The following ATP1B1 variants were observed in gnomAD, a reference collection of about 807,000 sequenced individuals.
ATP1B1 encodes the protein sodium/potassium-transporting ATPase subunit beta-1.
ATP1B1 carries 3 observed loss-of-function variants against 39.6 expected under a neutral mutation model. That is an observed-to-expected ratio of 0.08 (90% CI 0.03 to 0.20). The LOEUF (loss-of-function observed/expected upper bound fraction) is 0.20, where lower values mean the gene tolerates loss of function less well. Among genes scored for constraint, ATP1B1 ranks in the 10% least tolerant of loss-of-function variants. The pLI is 1.00. For synonymous variants in ATP1B1, 139 were observed against 135.0 expected, an observed-to-expected ratio of 1.03 and a Z score of -0.20; for missense variants, 216 against 371.1, an observed-to-expected ratio of 0.58 and a Z score of 3.43.
In ATP1B1 at chr1:169,107,192, G is replaced by T. The variant is rs139156514; in HGVS notation, c.97+266G>T. Among the ~76,000 whole-genome samples the T allele has an allele frequency of 6.3e-3, 956 of 152,292 alleles. 8 individuals carry two copies. The highest frequency in any genetic ancestry group is 0.022 in the African/African-American group (903 of 41,566). The stretch of plus-strand genomic sequence containing the variant: ...CGTAGCGATCTTGGCTTGGTAATTT[G>T]CAGTCTTTCCTACCGTGCATCGGTT... On this transcript the variant is annotated intron_variant, in intron 1 of 5. Coordinates refer to ENST00000367815, the MANE Select transcript of ATP1B1 (RefSeq NM_001677.4).
chr1:169,129,934 C>G, intron 4 of ATP1B1, 76 bp from the exon 5 acceptor site: 1 of 1,425,756 alleles, frequency 7.0e-7, no homozygotes, highest in Non-Finnish European at 9.8e-7. Flanking sequence ...CTTGTTTGGA[C>G]TACGGAGTAG....
intron 3 of ATP1B1, among the ~76,000 whole-genome samples, chr1:169,125,306 C>T (rs1248624721): frequency 6.7e-6 from 1 of 149,942 alleles, no homozygotes; most frequent in Non-Finnish European, 1.5e-5. Context: ...AGAGCCAAGA[C>T]AGCAATTCCG....
At chr1:169,112,780 A>G (rs566169306) in intron 2 of ATP1B1, among the ~76,000 whole-genome samples, 2 of 152,370 alleles carry the variant, frequency 1.3e-5, no homozygotes, top group East Asian at 3.9e-4. Context: ...AAAATCACGT[A>G]AGTAAATAAC....
rs1191552364 is a variant in ATP1B1, at chr1:169,131,184, C to T, written c.649-108C>T. The T allele has an allele frequency of 6.6e-6, 9 of 1,353,982 alleles. No individual in the cohort carries two copies. The highest frequency in any genetic ancestry group is 9.2e-6 in the Non-Finnish European group (9 of 980,582). 83.9% of individuals were successfully genotyped at this position (1,353,982 alleles called of 1,614,324 possible). A position where few individuals can be genotyped will look rare whatever the true frequency, so the allele number is the denominator to read the frequency against. On this transcript the variant is annotated intron_variant, in intron 5 of 5. Coordinates refer to ENST00000367815, the MANE Select transcript of ATP1B1 (RefSeq NM_001677.4). The surrounding 1 kb of genome is among the most constrained non-coding windows in gnomAD (Gnocchi z 4.4). ...GGAATAGACTGAGTAGATGTTCTTT[C>T]CTCTCTCAGTAGTTTGCAAACTACT...
rs551571780 is a variant in ATP1B1, at chr1:169,115,595, C to G, written c.226+4097C>G. Among the ~76,000 whole-genome samples the G allele has an allele frequency of 6.6e-5, 10 of 152,106 alleles. No homozygotes were observed. In the South Asian group the frequency reaches 2.1e-3, roughly 32 times the overall value. On this transcript the variant is annotated intron_variant, in intron 2 of 5. Transcript: ENST00000367815. ...AACTCCTGACCTCTGGTGATCCACC[C>G]GCCTCAGCCTCCCAAAGTGCTGGGA...
At chr1:169,107,205 C>T (rs1657615130) in intron 1 of ATP1B1, among the ~76,000 whole-genome samples, 1 of 152,160 alleles carries the variant, frequency 6.6e-6, no homozygotes, top group Admixed American at 6.5e-5. Flanking sequence ...GTCTTTCCTA[C>T]CGTGCATCGG....
intron 2 of ATP1B1, among the ~76,000 whole-genome samples, chr1:169,122,251 T>A (rs1657993600): frequency 6.6e-6 from 1 of 152,192 alleles, no homozygotes; most frequent in African/African-American, 2.4e-5. Context: ...TCTCCCATTC[T>A]GAATTTTGTT....
chr1:169,127,818 A>AT (rs1658120455), intron 4 of ATP1B1, among the ~76,000 whole-genome samples: 3 of 151,784 alleles, frequency 2.0e-5, no homozygotes, highest in Admixed American at 1.3e-4. Context: ...TTAAAAAAAA[A>AT]ATTTTAACCC....
In ATP1B1 at chr1:169,111,352, T is replaced by C. The variant is rs749925713; in HGVS notation, c.98-18T>C. On this transcript the variant is annotated intron_variant, in intron 1 of 5. Coordinates refer to ENST00000367815, the MANE Select transcript of ATP1B1 (RefSeq NM_001677.4). ...CATATGACTGCATCACAGCTTTTTG[T>C]TTCTGTTCTTCTTGCAGTTAAGATC... 6.2e-7 allele frequency: 1 copy of C among 1,613,844 alleles called. No homozygotes were observed. Among genetic ancestry groups the C allele is most frequent in the Non-Finnish European group, 8.5e-7 (1 of 1,179,958 alleles).
chr1:169,130,025 T>A lies in ATP1B1; in HGVS notation c.583T>A (p.Ser195Thr), dbSNP rs371385406. ...GFKPKPPKNE[S>T]LETYPVMKYN... ...TTATTTTTAGCCTCCCAAGAATGAGTCCTTGGAGACTTACCCAGTGATGAA... is the reference window on the plus strand; with the variant it reads ...TTATTTTTAGCCTCCCAAGAATGAGACCTTGGAGACTTACCCAGTGATGAA... Residue 195 changes from serine (S) to threonine (T), a missense_variant, in exon 5 of 6, where the codon TCC becomes ACC. Coordinates refer to ENST00000367815, the MANE Select transcript of ATP1B1 (RefSeq NM_001677.4). 2.7e-5 allele frequency: 44 copies of A among 1,613,908 alleles called. No individual in the cohort carries two copies. In the South Asian group the frequency reaches 3.2e-4, roughly 12 times the overall value.
rs763502821 is a variant in ATP1B1, at chr1:169,132,371, ACTTTC to A, written c.*821_*825del. 2.2e-6 allele frequency: 1 copy of A among 459,780 alleles called. No individual in the cohort carries two copies. Among genetic ancestry groups the A allele is most frequent in the Non-Finnish European group, 3.9e-6 (1 of 254,672 alleles). 28.5% of individuals were successfully genotyped at this position (459,780 alleles called of 1,614,324 possible). A position where few individuals can be genotyped will look rare whatever the true frequency, so the allele number is the denominator to read the frequency against. Reference sequence around the variant, plus strand: ...TAATTTGCTTTATACATTTTCTTTTACTTTCCTTTTTTCCTTTCTGGAGGCATCAC... The same window carrying A: ...TAATTTGCTTTATACATTTTCTTTTACTTTTTTCCTTTCTGGAGGCATCAC... On this transcript the variant is annotated 3_prime_UTR_variant, in exon 6 of 6. Coordinates refer to ENST00000367815, the MANE Select transcript of ATP1B1 (RefSeq NM_001677.4).
At chr1:169,113,071 CTT>C (rs1052393547) in intron 2 of ATP1B1, among the ~76,000 whole-genome samples, 1 of 138,178 alleles carries the variant, frequency 7.2e-6, no homozygotes, top group African/African-American at 3.0e-5. Flanking sequence ...TTTTATAATT[CTT>C]TTTTTTTTTT....
At chr1:169,120,366 C>G (rs189583297) in intron 2 of ATP1B1, among the ~76,000 whole-genome samples, 1 of 152,232 alleles carries the variant, frequency 6.6e-6, no homozygotes, top group East Asian at 1.9e-4. Context: ...GTCATTAAGG[C>G]TTATGTTAGT....
At chr1:169,109,339 C>T (rs985936100) in intron 1 of ATP1B1, among the ~76,000 whole-genome samples, 5 of 152,132 alleles carry the variant, frequency 3.3e-5, no homozygotes, top group African/African-American at 9.7e-5. Context: ...CCTCACAGTG[C>T]CACCCCAGAT....
chr1:169,116,905 A>C (rs553332670), intron 2 of ATP1B1, among the ~76,000 whole-genome samples: 1 of 152,146 alleles, frequency 6.6e-6, no homozygotes, highest in Non-Finnish European at 1.5e-5. Context: ...GGTTCGAGTC[A>C]TTATCATTCT....
chr1:169,117,939 C>G (rs555933779), intron 2 of ATP1B1, among the ~76,000 whole-genome samples: 1 of 152,170 alleles, frequency 6.6e-6, no homozygotes, highest in East Asian at 1.9e-4. Flanking sequence ...TGTTTTATAT[C>G]TAGATAAGTC....
At chr1:169,125,147 A>G (rs2101789620) in intron 3 of ATP1B1, 108 bp downstream of exon 3, 3 of 1,386,548 alleles carry the variant, frequency 2.2e-6, no homozygotes, top group East Asian at 4.8e-5. Context: ...TGAAATAATG[A>G]AAGATTGAAC....
chr1:169,128,958 T>TC (rs1658145408), intron 4 of ATP1B1, among the ~76,000 whole-genome samples: 2 of 152,176 alleles, frequency 1.3e-5, no homozygotes, highest in East Asian at 3.9e-4. Context: ...CACCCAAATC[T>TC]CCAACTATTT....
intron 2 of ATP1B1, among the ~76,000 whole-genome samples, chr1:169,120,986 TG>T (rs1657970621): frequency 6.7e-6 from 1 of 148,706 alleles, no homozygotes; most frequent in African/African-American, 2.5e-5. Flanking sequence ...CTCGCTCTGT[TG>T]CCCAGGCTGG....
Sources: gnomAD v4.1 joint callset for allele counts (sites outside exome capture counted in the v4.1 genomes callset) on GRCh38, gnomAD v4.1.1 for gene constraint, Gnocchi (gnomAD v3.1) non-coding constraint, MANE v1.5 for transcripts, NCBI Gene and HGNC (gene_info 2026-07-23, HGNC 2026-07-21) for gene names.